Variants in PRH1 observed in about 807,000 individuals in gnomAD.
PRH1 encodes salivary acidic proline-rich phosphoprotein 1/2.
A neutral mutation model predicts 7.9 loss-of-function variants in PRH1; 7 were observed. The ratio of observed to expected loss-of-function variants is 0.89; its 90% CI spans 0.50 to 1.67. The LOEUF (loss-of-function observed/expected upper bound fraction) is 1.67, where lower values mean the gene tolerates loss of function less well. PRH1 is among the 40% of genes most tolerant of loss of function. PRH1 has a pLI of 0.00. For synonymous variants in PRH1, 45 were observed against 80.8 expected (o/e 0.56, Z 2.38); for missense variants, 109 against 223.6 (o/e 0.49, Z 3.27).
intron 1 of PRH1, chr12:10,996,835 G>T: frequency 9.9e-7 from 1 of 1,008,848 alleles, no homozygotes. Flanking sequence ...GTCAACTTTT[G>T]GAAATTACTC....
downstream of PRH1, among the ~76,000 whole-genome samples, chr12:11,119,805 G>A (rs1232510996): frequency 6.6e-6 from 1 of 152,086 alleles, no homozygotes; most frequent in Admixed American, 6.6e-5. Flanking sequence ...TAGATTCAGT[G>A]ACTTCATGAA....
intron 1 of PRH1, chr12:10,986,728 C>G: frequency 6.2e-7 from 1 of 1,613,058 alleles, no homozygotes; most frequent in African/African-American, 1.3e-5. Context: ...AGAATTTGGT[C>G]AGCTGAGGAG....
At chr12:11,114,762 T>C (rs1446857748) in intron 1 of PRH1, among the ~76,000 whole-genome samples, 3 of 151,838 alleles carry the variant, frequency 2.0e-5, no homozygotes, top group Non-Finnish European at 4.4e-5. Flanking sequence ...AGGTGCAGAG[T>C]CTTCATTTGT....
intron 1 of PRH1, among the ~76,000 whole-genome samples, chr12:11,026,114 C>T (rs1470605862): frequency 6.6e-6 from 1 of 152,232 alleles, no homozygotes; most frequent in Non-Finnish European, 1.5e-5. Context: ...TAGTCCACTG[C>T]AGCCTGGAAC....
intron 1 of PRH1, among the ~76,000 whole-genome samples, chr12:11,122,241 CAGA>C (rs1271791646): frequency 6.6e-6 from 1 of 152,242 alleles, no homozygotes; most frequent in Non-Finnish European, 1.5e-5. Context: ...ACACTGTTCC[CAGA>C]AGAAGAATGA....
At chr12:10,900,698 T>G (rs1026341748) in intron 2 of PRH1, among the ~76,000 whole-genome samples, 6 of 152,216 alleles carry the variant, frequency 3.9e-5, no homozygotes, top group African/African-American at 1.4e-4. Flanking sequence ...CCCCTGTGAT[T>G]GTGGTGCAGC....
At chr12:10,977,280 T>A (rs1941591072) in intron 1 of PRH1, among the ~76,000 whole-genome samples, 1 of 152,200 alleles carries the variant, frequency 6.6e-6, no homozygotes. Context: ...TCAATAAGTG[T>A]GCTTCATCAC....
intron 2 of PRH1, chr12:10,938,315 A>G (rs2135884887): frequency 6.2e-7 from 1 of 1,613,886 alleles, no homozygotes; most frequent in African/African-American, 1.3e-5. Context: ...CATGTACCTC[A>G]GCCACAGTAG....
chr12:10,913,698 A>G (rs1949933503), intron 2 of PRH1, among the ~76,000 whole-genome samples: 1 of 152,152 alleles, frequency 6.6e-6, no homozygotes, highest in Admixed American at 6.5e-5. Context: ...TTGAAGTTGT[A>G]TATTATGTAA....
At chr12:11,028,222 C>A (rs1449156694) in intron 1 of PRH1, among the ~76,000 whole-genome samples, 3 of 152,210 alleles carry the variant, frequency 2.0e-5, no homozygotes, top group Non-Finnish European at 4.4e-5. Context: ...GATAGTTCTG[C>A]CTCAAGGAAA....
At chr12:11,082,358 T>A (rs142043792) in intron 1 of PRH1, among the ~76,000 whole-genome samples, 2,896 of 114,798 alleles carry the variant, frequency 0.025, 840 homozygotes, top group South Asian at 0.038. Flanking sequence ...AGTCTGGAGT[T>A]CAATGGCACA....
At chr12:11,060,303 T>C (rs535195457) in intron 1 of PRH1, among the ~76,000 whole-genome samples, 3 of 152,246 alleles carry the variant, frequency 2.0e-5, no homozygotes, top group African/African-American at 4.8e-5. Context: ...ATAGATTTCA[T>C]AGATGCCATT....
intron 2 of PRH1, among the ~76,000 whole-genome samples, chr12:10,900,901 C>T (rs1949713783): frequency 6.6e-6 from 1 of 152,194 alleles, no homozygotes; most frequent in African/African-American, 2.4e-5. Context: ...CCTGAACCAC[C>T]TAACCTTCCT....
chr12:11,008,925 G>A (rs1352619215), intron 1 of PRH1, among the ~76,000 whole-genome samples: 1 of 151,832 alleles, frequency 6.6e-6, no homozygotes, highest in Non-Finnish European at 1.5e-5. Context: ...TCTGCCCACA[G>A]ACATAGAAAA....
At chr12:10,972,813 T>G (rs1254882727) in intron 2 of PRH1, among the ~76,000 whole-genome samples, 1 of 152,122 alleles carries the variant, frequency 6.6e-6, no homozygotes, top group Non-Finnish European at 1.5e-5. Flanking sequence ...TCAAATGCAT[T>G]CAAGATTTTT....
At chr12:10,968,818 G>C (rs10845257) in intron 2 of PRH1, among the ~76,000 whole-genome samples, 1 of 152,032 alleles carries the variant, frequency 6.6e-6, no homozygotes, top group Non-Finnish European at 1.5e-5. Flanking sequence ...AGCAGCATCT[G>C]GGGGGGTGCC....
chr12:11,102,621 C>T (rs1453062469), intron 1 of PRH1, among the ~76,000 whole-genome samples: 2 of 152,174 alleles, frequency 1.3e-5, no homozygotes, highest in African/African-American at 4.8e-5. Flanking sequence ...CCATTCAGGA[C>T]ACAGGCATGG....
intron 1 of PRH1, among the ~76,000 whole-genome samples, chr12:11,018,314 C>T (rs1164639836): frequency 1.3e-5 from 2 of 152,174 alleles, no homozygotes; most frequent in African/African-American, 4.8e-5. Context: ...CACAAGACCC[C>T]GTGCAACTAC....
chr12:10,917,193 T>C (rs1949984283), intron 2 of PRH1, among the ~76,000 whole-genome samples: 1 of 152,194 alleles, frequency 6.6e-6, no homozygotes, highest in South Asian at 2.1e-4. Flanking sequence ...TCCTGTTCCT[T>C]GCCAATTAAG....
Sources: gnomAD v4.1 joint callset for allele counts (sites outside exome capture counted in the v4.1 genomes callset) on GRCh38, gnomAD v4.1.1 for gene constraint, MANE v1.5 for transcripts, NCBI Gene and HGNC (gene_info 2026-07-23, HGNC 2026-07-21) for gene names.